Variants in PLEKHH1 observed in about 807,000 individuals in gnomAD.
The protein encoded by PLEKHH1 is pleckstrin homology domain-containing family H member 1.
A neutral mutation model predicts 160.0 loss-of-function variants in PLEKHH1; 104 were observed. That is an observed-to-expected ratio of 0.65 (90% confidence interval 0.55 to 0.76). The LOEUF (loss-of-function observed/expected upper bound fraction) is 0.76. PLEKHH1 is among the 30% of genes least tolerant of loss of function. The probability of loss-of-function intolerance (pLI) is 0.00; values close to 1 mark genes in which losing one functional copy is unlikely to be tolerated. For missense variants in PLEKHH1, 1,427 were observed against 1,724.1 expected, an observed-to-expected ratio of 0.83 and a Z score of 3.05; for synonymous variants, 619 against 678.4, an observed-to-expected ratio of 0.91 and a Z score of 1.36.
chr14:67,586,303 G>A, intron 28 of PLEKHH1: 1 of 1,175,390 alleles, frequency 8.5e-7, no homozygotes, highest in South Asian at 1.3e-5. Context: ...GGACATATTT[G>A]GAGGGAACTA....
chr14:67,539,999 A>G (rs1034793227), intron 1 of PLEKHH1, among the ~76,000 whole-genome samples: 1 of 152,226 alleles, frequency 6.6e-6, no homozygotes, highest in South Asian at 2.1e-4. Flanking sequence ...CCCATCAAAG[A>G]GAGGCTAACT....
intron 1 of PLEKHH1, among the ~76,000 whole-genome samples, chr14:67,535,222 C>T (rs964718183): frequency 5.3e-5 from 8 of 152,188 alleles, no homozygotes; most frequent in East Asian, 3.9e-4. Flanking sequence ...CAGTGGTTGC[C>T]GCTGGGGAGA....
At position 67,587,175 on chromosome 14, in the gene PLEKHH1, G is replaced by A. The variant is rs768878549; in HGVS notation, c.4035G>A (p.Leu1345=). ...CCGGAGCCTGCCAGCTGTGGGAACT[G>A]GATGGACGACAGTTCTTTTCTTCTG... ...NPPGACQLWE[L]DGRQFFSSVS... is the part of the protein sequence containing the mutation. Residue 1345 remains leucine, a synonymous_variant, in exon 29 of 29, where the codon CTG becomes CTA. Coordinates refer to ENST00000329153, the MANE Select transcript of PLEKHH1 (RefSeq NM_020715.3). The A allele has an allele frequency of 2.5e-6, 4 of 1,613,782 alleles. No homozygotes were observed. The highest frequency in any genetic ancestry group is 3.4e-6 in the Non-Finnish European group (4 of 1,179,864).
intron 8 of PLEKHH1, 36 bp from the exon 9 acceptor site, chr14:67,569,885 C>A: frequency 7.3e-7 from 1 of 1,369,050 alleles, no homozygotes; most frequent in Non-Finnish European, 1.0e-6. Flanking sequence ...CTGGGTTATG[C>A]CCTTGAGTAA....
At chr14:67,583,183 T>C (rs1482317742) in intron 24 of PLEKHH1, among the ~76,000 whole-genome samples, 1 of 152,178 alleles carries the variant, frequency 6.6e-6, no homozygotes, top group African/African-American at 2.4e-5. Context: ...ACAGTAATAG[T>C]TGATCTTTAT....
intron 1 of PLEKHH1, among the ~76,000 whole-genome samples, chr14:67,538,994 G>A (rs2033857374): frequency 6.6e-6 from 1 of 152,098 alleles, no homozygotes; most frequent in African/African-American, 2.4e-5. Context: ...TCAGTAAGAG[G>A]GAATCAATAT....
At chr14:67,560,727 C>CTTTTTTTTTTT (rs11433194) in intron 5 of PLEKHH1, among the ~76,000 whole-genome samples, 1 of 126,430 alleles carries the variant, frequency 7.9e-6, no homozygotes, top group Non-Finnish European at 1.6e-5. Context: ...GAACATATAT[C>CTTTTTTTTTTT]TTTTTTTTTT....
chr14:67,588,506 C>A lies in PLEKHH1; in HGVS notation c.*1271C>A, dbSNP rs1015560108. 3.1e-4 allele frequency: 47 copies of A among 152,092 alleles called. No homozygotes were observed. The highest frequency in any genetic ancestry group is 1.1e-3 in the African/African-American group (45 of 41,400). The allele number at this position is 152,092 out of a possible 1,614,324, so 9.4% of individuals were successfully genotyped here. A position where few individuals can be genotyped will look rare whatever the true frequency, so the allele number is the denominator to read the frequency against. On this transcript the variant is annotated 3_prime_UTR_variant, in exon 29 of 29. Coordinates refer to ENST00000329153, the MANE Select transcript of PLEKHH1 (RefSeq NM_020715.3). ...GCAGGTAAAAAAAAGTTTCTTTCATCTTTTGCCTTACTGATAATACCATAA... is the reference window on the plus strand; with the variant it reads ...GCAGGTAAAAAAAAGTTTCTTTCATATTTTGCCTTACTGATAATACCATAA...
chr14:67,578,619 A>G lies in PLEKHH1; in HGVS notation c.2837A>G (p.His946Arg). Residue 946 changes from histidine to arginine, a missense_variant, in exon 20 of 29, where the codon CAT (histidine) becomes CGT (arginine). Around this residue, in one of 6 missense-constraint regions of PLEKHH1, gnomAD observed 436 missense variants for 607.5 expected, o/e 0.72. Coordinates refer to ENST00000329153, the MANE Select transcript of PLEKHH1 (RefSeq NM_020715.3). This position sits in a 1 kb window ranked among gnomAD's most constrained non-coding sequence, Gnocchi z 5.0. ...LWYVKQQLQR[H>R]ADPRSETGQY... is the part of the protein sequence containing the mutation. ...TATGTCAAGCAGCAGCTCCAACGCCATGCAGATCCCAGGTGAGTGAACCTG... is the reference window on the plus strand; with the variant it reads ...TATGTCAAGCAGCAGCTCCAACGCCGTGCAGATCCCAGGTGAGTGAACCTG... 6.2e-7 allele frequency: 1 copy of G among 1,606,064 alleles called. No individual in the cohort carries two copies. The highest frequency in any genetic ancestry group is 1.3e-5 in the African/African-American group (1 of 74,928).
In PLEKHH1 at chr14:67,572,115, ACTC is replaced by A; in HGVS notation, c.1586-12_1586-10del. ...GGGGAGGTGTGGGACCCGGGCCTTG[ACTC>A]CTCCTCCCTCGGCAAGGCGTCTCCA... On this transcript the variant is annotated splice_polypyrimidine_tract_variant and intron_variant, in intron 10 of 28. Transcript: ENST00000329153. The A allele has an allele frequency of 1.3e-6, 2 of 1,599,180 alleles. No individual in the cohort carries two copies. Among genetic ancestry groups the A allele is most frequent in the Non-Finnish European group, 8.5e-7 (1 of 1,173,358 alleles).
Position 67,562,541 on chromosome 14 carries a change from G to T in PLEKHH1, c.910G>T (p.Gly304Cys). The change falls in exon 7 of 29, where the codon GGT (glycine) becomes TGT (cysteine). Residue 304 changes from glycine to cysteine, a missense_variant. Physicochemically the swap from Gly to Cys is radical, Grantham distance 159. This residue lies in a region of PLEKHH1 where 831 missense variants were observed against 929.2 expected (regional missense o/e 0.89). Coordinates refer to ENST00000329153, the MANE Select transcript of PLEKHH1 (RefSeq NM_020715.3). ...TGGGACAAAGACCTCTGCCAGGGAA[G>T]GTGGTCCTGGCAGCAGTCTGACCCT... ...LPGTKTSARE[G>C]GPGSSLTLPK... 1 of 1,609,244 alleles carries T rather than the reference G, an allele frequency of 6.2e-7. No homozygotes were observed. The highest frequency in any genetic ancestry group is 8.5e-7 in the Non-Finnish European group (1 of 1,176,076).
At chr14:67,561,810 C>A (rs1237675729) in intron 5 of PLEKHH1, 144 bp from the exon 6 acceptor site, 5 of 647,080 alleles carry the variant, frequency 7.7e-6, no homozygotes, top group African/African-American at 7.5e-5. Context: ...GTCAAGGCTG[C>A]AGTGAGCCAA....
intron 7 of PLEKHH1, among the ~76,000 whole-genome samples, chr14:67,563,820 G>A (rs555081921): frequency 2.8e-5 from 4 of 141,626 alleles, no homozygotes; most frequent in Admixed American, 7.5e-5. Flanking sequence ...TGCAACCTCC[G>A]CCTCCCAGGT....
At position 67,575,895 on chromosome 14, in the gene PLEKHH1, G is replaced by T. The variant is rs1296785176; in HGVS notation, c.2242G>T (p.Asp748Tyr). The T allele has an allele frequency of 6.2e-7, 1 of 1,613,948 alleles. No individual in the cohort carries two copies. The highest frequency in any genetic ancestry group is 1.1e-5 in the South Asian group (1 of 91,082). Residue 748 changes from aspartate to tyrosine, a missense_variant, in exon 16 of 29, where the codon GAC becomes TAC. This residue lies in a region of PLEKHH1 where 436 missense variants were observed against 607.5 expected (regional missense o/e 0.72). Coordinates refer to ENST00000329153, the MANE Select transcript of PLEKHH1 (RefSeq NM_020715.3). The part of the protein sequence containing the change: ...EVDRSCDSDE[D>Y]YEAGGTRRLL... Reference sequence around the variant, plus strand: ...AGATCGATCCTGTGACTCAGACGAGGACTATGAGGCTGGAGGAACCAGACG... The same window carrying T: ...AGATCGATCCTGTGACTCAGACGAGTACTATGAGGCTGGAGGAACCAGACG...
intron 7 of PLEKHH1, among the ~76,000 whole-genome samples, chr14:67,564,690 T>C (rs1356539444): frequency 1.3e-5 from 2 of 149,496 alleles, no homozygotes; most frequent in African/African-American, 5.0e-5. Context: ...TTTTTTCTTT[T>C]CCTTTTTTTT....
rs752718671 is a variant in PLEKHH1 at position 67,573,243 on chromosome 14, C to G, written c.1729-33C>G. The G allele has an allele frequency of 7.3e-7, 1 of 1,370,718 alleles. No homozygotes were observed. The highest frequency in any genetic ancestry group is 1.2e-5 in the South Asian group (1 of 86,274). The allele number at this position is 1,370,718 out of a possible 1,614,324, so 84.9% of individuals were successfully genotyped here. On this transcript the variant is annotated intron_variant, in intron 11 of 28. Coordinates refer to ENST00000329153, the MANE Select transcript of PLEKHH1 (RefSeq NM_020715.3). The surrounding 1 kb of genome is among the most constrained non-coding windows in gnomAD (Gnocchi z 4.8). ...ATGTCTAGGAGCCCTGAGTGATTTC[C>G]CCTTTCTTCATCTACACCCTTCCAC... is the stretch of plus-strand genomic sequence containing the variant.
At chr14:67,580,122 A>G (rs2035822768) in intron 22 of PLEKHH1, 2 of 436,106 alleles carry the variant, frequency 4.6e-6, no homozygotes, top group African/African-American at 2.0e-5. Flanking sequence ...GTGGCTGTGC[A>G]GCGTCCAGAA....
chr14:67,555,372 A>C (rs570043617), intron 2 of PLEKHH1, among the ~76,000 whole-genome samples: 33 of 152,280 alleles, frequency 2.2e-4, no homozygotes, highest in African/African-American at 7.7e-4. Context: ...CCAACCAGTG[A>C]GATATTCTGA....
chr14:67,537,889 T>C (rs929211937), intron 1 of PLEKHH1, among the ~76,000 whole-genome samples: 12 of 152,076 alleles, frequency 7.9e-5, no homozygotes, highest in Admixed American at 7.9e-4. Context: ...GTCCCGGGTG[T>C]TGGAGGATTC....
Sources: allele counts gnomAD v4.1 joint callset (sites outside exome capture counted in the v4.1 genomes callset), GRCh38; gene constraint gnomAD v4.1.1; regional missense constraint gnomAD v4.1.1; non-coding constraint Gnocchi (gnomAD v3.1); transcripts MANE v1.5; gene names NCBI Gene and HGNC (gene_info 2026-07-23, HGNC 2026-07-21).